The following TTLL7 variants were observed in gnomAD, a reference collection of about 807,000 sequenced individuals.
TTLL7 encodes the protein tubulin polyglutamylase TTLL7.
Under a neutral mutation model 120.2 loss-of-function variants are expected in TTLL7, and 53 were observed. The ratio of observed to expected loss-of-function variants is 0.44; its 90% CI spans 0.35 to 0.55. TTLL7 has a LOEUF of 0.55. Ranked by LOEUF, TTLL7 falls within the 20% of genes least tolerant of loss-of-function variation. The pLI, the probability that TTLL7 is intolerant of heterozygous loss-of-function variation, is 0.00. For missense variants in TTLL7, 803 were observed against 1,054.7 expected (o/e 0.76, Z 3.31); for synonymous variants, 353 against 351.7 (o/e 1.00, Z -0.04).
intron 14 of TTLL7, among the ~76,000 whole-genome samples, chr1:83,914,323 CTTTTTTTTTT>C (rs1171299360): frequency 2.3e-4 from 18 of 78,246 alleles, no homozygotes; most frequent in East Asian, 8.8e-4. Flanking sequence ...CTCTCTCTCT[CTTTTTTTTTT>C]TTTTTTTTTT....
intron 18 of TTLL7, among the ~76,000 whole-genome samples, chr1:83,897,939 A>C (rs1656394167): frequency 6.6e-6 from 1 of 151,578 alleles, no homozygotes; most frequent in Non-Finnish European, 1.5e-5. Context: ...TAAGCTGGTA[A>C]AGCTTTCAAT....
intron 20 of TTLL7, among the ~76,000 whole-genome samples, chr1:83,878,826 C>G (rs1330946093): frequency 6.6e-6 from 1 of 151,788 alleles, no homozygotes; most frequent in Non-Finnish European, 1.5e-5. Context: ...TTATTTTTTT[C>G]TGAGAGTGCA....
intron 12 of TTLL7, chr1:83,920,688 A>T (rs1658576121): frequency 5.6e-6 from 1 of 177,322 alleles, no homozygotes; most frequent in African/African-American, 2.4e-5. Context: ...CACAGCCCAC[A>T]TCCCTCTCCA....
At chr1:83,873,553 A>T (rs1239746268) in intron 20 of TTLL7, among the ~76,000 whole-genome samples, 3 of 152,170 alleles carry the variant, frequency 2.0e-5, no homozygotes, top group African/African-American at 7.2e-5. Flanking sequence ...TGGCTAACTC[A>T]TTGCTAACTC....
intron 18 of TTLL7, among the ~76,000 whole-genome samples, chr1:83,892,441 CATAT>C (rs1655659597): frequency 7.5e-6 from 1 of 132,940 alleles, no homozygotes; most frequent in Non-Finnish European, 1.6e-5. Flanking sequence ...TATATATGAA[CATAT>C]GAATGAACAT....
chr1:83,952,523 T>A (rs79998713), intron 1 of TTLL7, 136 bp from the exon 2 acceptor site: 11 of 274,646 alleles, frequency 4.0e-5, no homozygotes, highest in African/African-American at 2.2e-4. Flanking sequence ...AATCGGTTTA[T>A]TAAACCTTAC....
At chr1:83,996,211 G>T (rs778963315) in intron 1 of TTLL7, among the ~76,000 whole-genome samples, 1 of 152,056 alleles carries the variant, frequency 6.6e-6, no homozygotes, top group Non-Finnish European at 1.5e-5. Context: ...AAATTCCTTT[G>T]GAAGAGGAAA....
chr1:83,937,324 C>G (rs1356321265), intron 8 of TTLL7, among the ~76,000 whole-genome samples: 1 of 151,890 alleles, frequency 6.6e-6, no homozygotes, highest in East Asian at 1.9e-4. Flanking sequence ...CTGCCTCAGC[C>G]CCGAGTAGCT....
chr1:83,886,172 C>G (rs1019916199), intron 19 of TTLL7, among the ~76,000 whole-genome samples: 1 of 152,056 alleles, frequency 6.6e-6, no homozygotes, highest in African/African-American at 2.4e-5. Flanking sequence ...CACCCACTTT[C>G]TCATCAAAAC....
chr1:83,933,354 C>T (rs1293238195), intron 9 of TTLL7, among the ~76,000 whole-genome samples: 1 of 152,132 alleles, frequency 6.6e-6, no homozygotes, highest in Non-Finnish European at 1.5e-5. Flanking sequence ...AAAAGCACCT[C>T]CACACTTCAA....
At chr1:83,884,563 A>G (rs1031063692) in intron 19 of TTLL7, among the ~76,000 whole-genome samples, 3 of 151,832 alleles carry the variant, frequency 2.0e-5, no homozygotes, top group African/African-American at 7.3e-5. Flanking sequence ...GAAAGAAACA[A>G]ATTTTCTTCA....
At chr1:83,936,546 T>C (rs1229897581) in intron 8 of TTLL7, among the ~76,000 whole-genome samples, 3 of 152,216 alleles carry the variant, frequency 2.0e-5, no homozygotes, top group Non-Finnish European at 2.9e-5. Flanking sequence ...GAATGGTTTT[T>C]GGAATGTCCA....
At chr1:83,881,243 A>G (rs987861548) in intron 20 of TTLL7, among the ~76,000 whole-genome samples, 6 of 151,048 alleles carry the variant, frequency 4.0e-5, no homozygotes, top group Non-Finnish European at 5.9e-5. Flanking sequence ...TGACAAATGG[A>G]ATCTAATTAA....
chr1:83,877,099 T>C (rs1307958119), intron 20 of TTLL7, among the ~76,000 whole-genome samples: 4 of 152,028 alleles, frequency 2.6e-5, no homozygotes, highest in Non-Finnish European at 4.4e-5. Flanking sequence ...TTTTAAAGCA[T>C]GAATGCATAT....
intron 20 of TTLL7, among the ~76,000 whole-genome samples, chr1:83,870,749 A>G (rs370656292): frequency 1.3e-5 from 2 of 151,720 alleles, no homozygotes; most frequent in Non-Finnish European, 1.5e-5. Context: ...CATCTCTACT[A>G]AAAATACAAA....
Position 83,951,355 on chromosome 1 carries a change from A to G in TTLL7, c.157+490T>C, listed in dbSNP as rs75565838. The stretch of plus-strand genomic sequence containing the variant: ...CAGAAACTCCGCCTCAAAAAAAAAA[A>G]AAGAAGAAGGAATGTAATGTGTTAC... On this transcript the variant is annotated intron_variant, in intron 3 of 20. Coordinates refer to ENST00000260505, the MANE Select transcript of TTLL7 (RefSeq NM_024686.6). Among the ~76,000 whole-genome samples the G allele has an allele frequency of 3.7e-3, 569 of 152,218 alleles. 6 individuals are homozygous for G. The highest frequency in any genetic ancestry group is 6.2e-3 in the Non-Finnish European group (419 of 68,002).
intron 18 of TTLL7, among the ~76,000 whole-genome samples, chr1:83,896,555 T>C (rs1187034476): frequency 6.6e-6 from 1 of 152,094 alleles, no homozygotes; most frequent in East Asian, 1.9e-4. Flanking sequence ...GCGATGGCTA[T>C]AGGGTAAAGG....
Position 83,919,838 on chromosome 1 carries a change from C to T in TTLL7, c.1365-4G>A, listed in dbSNP as rs534603978. 54 of 1,607,692 alleles carry T rather than the reference C, an allele frequency of 3.4e-5. No homozygotes were observed. In the South Asian group the frequency reaches 5.9e-4, roughly 18 times the overall value. ...ATCTTCAGGAGGATAAATTCGTCTACAACAAAATCAGATAAACCAATTTTT... is the reference window on the plus strand; with the variant it reads ...ATCTTCAGGAGGATAAATTCGTCTATAACAAAATCAGATAAACCAATTTTT... On this transcript the variant is annotated splice_polypyrimidine_tract_variant and splice_region_variant and intron_variant, in intron 12 of 20. Transcript: ENST00000260505.
chr1:83,883,183 G>A (rs1654665292), intron 19 of TTLL7, 47 bp from the exon 20 acceptor site: 2 of 1,492,710 alleles, frequency 1.3e-6, no homozygotes, highest in Admixed American at 4.5e-5. Context: ...TGTTAAAAAT[G>A]ACAACCAGCT....
Sources: gnomAD v4.1 joint callset for allele counts (sites outside exome capture counted in the v4.1 genomes callset) on GRCh38, gnomAD v4.1.1 for gene constraint, MANE v1.5 for transcripts, NCBI Gene and HGNC (gene_info 2026-07-23, HGNC 2026-07-21) for gene names.